The following GSG1L2 variants were observed in gnomAD, a reference collection of about 807,000 sequenced individuals.
GSG1L2 encodes the protein germ cell-specific gene 1-like protein 2.
GSG1L2 carries 15 observed loss-of-function variants against 9.0 expected under a neutral mutation model. The ratio of observed to expected loss-of-function variants is 1.67; its 90% CI spans 1.12 to 2.57. The LOEUF (loss-of-function observed/expected upper bound fraction) is 2.57, where lower values mean the gene tolerates loss of function less well. Among genes scored for constraint, GSG1L2 ranks in the 30% most tolerant of loss-of-function variants. The pLI, the probability that GSG1L2 is intolerant of heterozygous loss-of-function variation, is 0.00. For missense variants in GSG1L2, 286 were observed against 150.3 expected (o/e 1.90, Z -4.72); for synonymous variants, 127 against 57.9 (o/e 2.19, Z -5.41).
intron 1 of GSG1L2, among the ~76,000 whole-genome samples, chr17:9,818,824 C>G (rs2066578166): frequency 1.3e-5 from 2 of 152,180 alleles, no homozygotes; most frequent in Admixed American, 6.5e-5. Flanking sequence ...ACCCCCGTTT[C>G]CATTTCCACA....
chr17:9,821,879 T>C lies in GSG1L2; in HGVS notation c.193A>G (p.Met65Val). 1 of 703,328 alleles carries C rather than the reference T, an allele frequency of 1.4e-6. No homozygotes were observed. The highest frequency in any genetic ancestry group is 2.6e-6 in the Non-Finnish European group (1 of 385,062). The allele number at this position is 703,328 out of a possible 1,614,324, so 43.6% of individuals were successfully genotyped here. A position where few individuals can be genotyped will look rare whatever the true frequency, so the allele number is the denominator to read the frequency against. ...AGGACAGCCTGGCTATTGTTGTCCA[T>C]CCTGCCATTGCTGCTGTTGTCCCGT... ...FKRDNSSNGR[M>V]DNNSQAVLYI... The change falls in exon 1 of 5, where the codon ATG (methionine) becomes GTG (valine). Residue 65 changes from methionine (M) to valine (V), a missense_variant. Physicochemically the swap from Met to Val is conservative, Grantham distance 21. Coordinates refer to ENST00000399363, the MANE Select transcript of GSG1L2 (RefSeq NM_001310219.2).
At chr17:9,817,313 C>A (rs1017475087) in intron 1 of GSG1L2, among the ~76,000 whole-genome samples, 2 of 152,166 alleles carry the variant, frequency 1.3e-5, no homozygotes, top group African/African-American at 4.8e-5. Context: ...ACTGATGAAG[C>A]AGCTCCCTCC....
chr17:9,817,781 A>G (rs2066573507), intron 1 of GSG1L2, among the ~76,000 whole-genome samples: 1 of 152,060 alleles, frequency 6.6e-6, no homozygotes, highest in Non-Finnish European at 1.5e-5. Flanking sequence ...CTTGGGTGAC[A>G]GAGACCTTAT....
Position 9,807,511 on chromosome 17 carries a change from C to A in GSG1L2, c.602G>T (p.Trp201Leu). 2.8e-6 allele frequency: 2 copies of A among 702,976 alleles called. No homozygotes were observed. The highest frequency in any genetic ancestry group is 5.2e-6 in the Non-Finnish European group (2 of 384,988). 43.5% of individuals were successfully genotyped at this position (702,976 alleles called of 1,614,324 possible). ...LGPEDWKPQT[W>L]DYGWSYCLAW... ...TTACCAATATGACCAGCCATAGTCC[C>A]AGGTCTGAGGCTTCCAATCTTCTGG... The change falls in exon 4 of 5, where the codon TGG becomes TTG. Residue 201 changes from tryptophan to leucine, a missense_variant. Coordinates refer to ENST00000399363, the MANE Select transcript of GSG1L2 (RefSeq NM_001310219.2).
intron 1 of GSG1L2, 186 bp from the exon 2 acceptor site, chr17:9,810,804 G>T: frequency 3.4e-6 from 2 of 593,162 alleles, no homozygotes; most frequent in Non-Finnish European, 3.0e-6. Context: ...CTCTGGCTTG[G>T]CCACGTAACA....
intron 1 of GSG1L2, among the ~76,000 whole-genome samples, chr17:9,819,024 C>T (rs189324774): frequency 1.3e-5 from 2 of 152,288 alleles, no homozygotes; most frequent in Admixed American, 6.5e-5. Context: ...TGTGCTGACT[C>T]CCTTCTTTCC....
intron 2 of GSG1L2, 148 bp downstream of exon 2, chr17:9,810,423 A>C: frequency 6.4e-6 from 4 of 629,728 alleles, no homozygotes; most frequent in Non-Finnish European, 1.1e-5. Flanking sequence ...GGGCACAGGA[A>C]GAGAGCCTGT....
chr17:9,812,764 G>A (rs2066544123), intron 1 of GSG1L2, among the ~76,000 whole-genome samples: 1 of 152,246 alleles, frequency 6.6e-6, no homozygotes, highest in East Asian at 1.9e-4. Context: ...GGGACTAGAG[G>A]CGCACGCCAC....
chr17:9,802,290 C>T lies in GSG1L2; in HGVS notation c.*96G>A, dbSNP rs2066499688. ...GGGGATGGAAGCTTTCCCTGGACAA[C>T]AATCTCCTGAAGTCCAACCCAGAGG... On this transcript the variant is annotated 3_prime_UTR_variant, in exon 5 of 5. Transcript: ENST00000399363. 1 of 576,882 alleles carries T rather than the reference C, an allele frequency of 1.7e-6. No homozygotes were observed. The highest frequency in any genetic ancestry group is 3.1e-6 in the Non-Finnish European group (1 of 323,116). 35.7% of individuals were successfully genotyped at this position (576,882 alleles called of 1,614,324 possible).
chr17:9,821,819 G>C lies in GSG1L2; in HGVS notation c.253C>G (p.Gln85Glu). ...IWELGDDKFI[Q>E]RGFHVGLWQS... is the part of the protein sequence containing the mutation. ...CAGAGCCCCACATGGAACCCCCGCT[G>C]AATGAACTTGTCATCACCCAGCTCC... is the stretch of plus-strand genomic sequence containing the variant. Residue 85 changes from glutamine to glutamate, a missense_variant, in exon 1 of 5, where the codon CAG (glutamine) becomes GAG (glutamate). By Grantham distance (29) the Gln-to-Glu change is conservative (BLOSUM62 2). Coordinates refer to ENST00000399363, the MANE Select transcript of GSG1L2 (RefSeq NM_001310219.2). The C allele has an allele frequency of 1.4e-6, 1 of 703,568 alleles. No homozygotes were observed. The highest frequency in any genetic ancestry group is 2.6e-6 in the Non-Finnish European group (1 of 385,126). The allele number at this position is 703,568 out of a possible 1,614,324, so 43.6% of individuals were successfully genotyped here.
chr17:9,818,748 A>T (rs1039748488), intron 1 of GSG1L2, among the ~76,000 whole-genome samples: 1 of 149,410 alleles, frequency 6.7e-6, no homozygotes, highest in Non-Finnish European at 1.5e-5. Context: ...CACCTCCACA[A>T]TCCAATCACC....
chr17:9,807,428 G>T lies in GSG1L2; in HGVS notation c.623+62C>A, dbSNP rs143467462. The T allele has an allele frequency of 2.0e-5, 14 of 700,014 alleles. No individual in the cohort carries two copies. The African/African-American group carries it at 2.3e-4, about 11-fold the overall frequency. 43.4% of individuals were successfully genotyped at this position (700,014 alleles called of 1,614,324 possible). On this transcript the variant is annotated intron_variant, in intron 4 of 4. Coordinates refer to ENST00000399363, the MANE Select transcript of GSG1L2 (RefSeq NM_001310219.2). ...AGGTTGGTCATCCTACAAAACATGT[G>T]TATGTTTATGTGCATCTCTCCTGAT... is the stretch of plus-strand genomic sequence containing the variant.
At chr17:9,817,391 T>G (rs1164517812) in intron 1 of GSG1L2, among the ~76,000 whole-genome samples, 2 of 151,334 alleles carry the variant, frequency 1.3e-5, no homozygotes, top group African/African-American at 2.4e-5. Context: ...CCTCCTGACA[T>G]CATGACTAGC....
intron 1 of GSG1L2, among the ~76,000 whole-genome samples, chr17:9,818,216 G>C (rs1809081319): frequency 6.6e-6 from 1 of 152,218 alleles, no homozygotes; most frequent in Non-Finnish European, 1.5e-5. Flanking sequence ...TGAGGCCTGG[G>C]GAAACTTCCA....
At chr17:9,815,971 G>A (rs1387322635) in intron 1 of GSG1L2, among the ~76,000 whole-genome samples, 1 of 152,120 alleles carries the variant, frequency 6.6e-6, no homozygotes, top group Non-Finnish European at 1.5e-5. Context: ...TGGTTTTGTA[G>A]GAAGAGGAGG....
chr17:9,810,337 A>C, intron 2 of GSG1L2: 1 of 577,520 alleles, frequency 1.7e-6, no homozygotes, highest in South Asian at 2.2e-5. Context: ...GAACACGGCC[A>C]GTGCTGCCAA....
intron 2 of GSG1L2, chr17:9,810,192 CT>C (rs1364541153): frequency 3.7e-6 from 1 of 269,152 alleles, no homozygotes; most frequent in African/African-American, 2.2e-5. Context: ...TGTTAGGGAG[CT>C]TTAGAGAGAA....
chr17:9,806,700 A>T (rs1453491506), intron 4 of GSG1L2, among the ~76,000 whole-genome samples: 1 of 152,210 alleles, frequency 6.6e-6, no homozygotes, highest in Non-Finnish European at 1.5e-5. Context: ...GGTGCCAGTG[A>T]TAGCCCCTCA....
At position 9,819,078 on chromosome 17, in the gene GSG1L2, C is replaced by T. The variant is rs539962924; in HGVS notation, c.310+2684G>A. Among the ~76,000 whole-genome samples, 4 of 152,266 alleles carry T rather than the reference C, an allele frequency of 2.6e-5. No homozygotes were observed. In the East Asian group the frequency reaches 7.7e-4, roughly 29 times the overall value. The stretch of plus-strand genomic sequence containing the variant: ...CTGAGGTGGGCTCCTCAGACTCTAG[C>T]GTCTGTCATAATCACCAGGGGGGCT... On this transcript the variant is annotated intron_variant, in intron 1 of 4. Coordinates refer to ENST00000399363, the MANE Select transcript of GSG1L2 (RefSeq NM_001310219.2).
Sources: allele counts gnomAD v4.1 joint callset (sites outside exome capture counted in the v4.1 genomes callset), GRCh38; gene constraint gnomAD v4.1.1; transcripts MANE v1.5; gene names NCBI Gene and HGNC (gene_info 2026-07-23, HGNC 2026-07-21).